CNGB3: variants seen among roughly 807,000 people sequenced by gnomAD.
CNGB3 encodes the protein cyclic nucleotide gated channel subunit beta 3.
A neutral mutation model predicts 92.8 loss-of-function variants in CNGB3; 86 were observed. That is an observed-to-expected ratio of 0.93 (90% CI 0.78 to 1.11). The LOEUF (loss-of-function observed/expected upper bound fraction) is 1.11. Ranked by LOEUF, CNGB3 falls within the 50% of genes least tolerant of loss-of-function variation. The pLI, the probability that CNGB3 is intolerant of heterozygous loss-of-function variation, is 0.00. For synonymous variants in CNGB3, 333 were observed against 332.7 expected (o/e 1.00, Z -0.01); for missense variants, 1,026 against 956.8 (o/e 1.07, Z -0.95).
intron 2 of CNGB3, among the ~76,000 whole-genome samples, chr8:86,729,532 G>A (rs1179176881): frequency 1.3e-5 from 2 of 152,042 alleles, no homozygotes; most frequent in Non-Finnish European, 2.9e-5. Flanking sequence ...TTTGATTTGT[G>A]GATAAACATT....
chr8:86,689,768 G>A (rs1824269773), intron 3 of CNGB3, among the ~76,000 whole-genome samples: 1 of 150,962 alleles, frequency 6.6e-6, no homozygotes, highest in Non-Finnish European at 1.5e-5. Context: ...GTGTCCAAGT[G>A]TTCTCATTGT....
At chr8:86,709,956 A>G (rs896083811) in intron 3 of CNGB3, among the ~76,000 whole-genome samples, 35 of 152,326 alleles carry the variant, frequency 2.3e-4, no homozygotes, top group African/African-American at 7.5e-4. Flanking sequence ...TGCCTTCAAC[A>G]GTATGTATTA....
intron 12 of CNGB3, among the ~76,000 whole-genome samples, chr8:86,627,828 AC>A (rs915421701): frequency 2.6e-5 from 4 of 152,178 alleles, no homozygotes; most frequent in African/African-American, 9.7e-5. Context: ...CTTGAACAAC[AC>A]GTGTTTGAAC....
chr8:86,622,128 G>A (rs751451454), intron 13 of CNGB3, among the ~76,000 whole-genome samples: 2 of 152,118 alleles, frequency 1.3e-5, no homozygotes, highest in Non-Finnish European at 2.9e-5. Context: ...CCTTTTTATG[G>A]CTGATGGGTA....
intron 3 of CNGB3, among the ~76,000 whole-genome samples, chr8:86,673,029 A>G (rs1823890880): frequency 6.6e-6 from 1 of 152,192 alleles, no homozygotes; most frequent in African/African-American, 2.4e-5. Flanking sequence ...ATATAATTTC[A>G]CTGATTCCTT....
intron 13 of CNGB3, among the ~76,000 whole-genome samples, chr8:86,622,514 C>G (rs1822759986): frequency 6.6e-6 from 1 of 152,046 alleles, no homozygotes; most frequent in African/African-American, 2.4e-5. Context: ...ATTTCCATCA[C>G]CCTACAAAGT....
intron 15 of CNGB3, among the ~76,000 whole-genome samples, chr8:86,600,138 C>T (rs188171558): frequency 1.3e-4 from 20 of 152,094 alleles, no homozygotes; most frequent in African/African-American, 2.9e-4. Flanking sequence ...GGATTTTGCC[C>T]GATAAACGTT....
intron 10 of CNGB3, among the ~76,000 whole-genome samples, chr8:86,642,158 G>C (rs1823201351): frequency 6.6e-6 from 1 of 151,664 alleles, no homozygotes; most frequent in Admixed American, 6.6e-5. Context: ...GAGGCGTCTA[G>C]GTGTAAAAGG....
intron 15 of CNGB3, among the ~76,000 whole-genome samples, chr8:86,592,553 G>T (rs1822070183): frequency 6.6e-6 from 1 of 152,186 alleles, no homozygotes; most frequent in South Asian, 2.1e-4. Flanking sequence ...CTCATAAGTT[G>T]TGGCACATGG....
intron 11 of CNGB3, among the ~76,000 whole-genome samples, chr8:86,630,774 T>A (rs1822947705): frequency 6.6e-6 from 1 of 152,088 alleles, no homozygotes; most frequent in Non-Finnish European, 1.5e-5. Context: ...CCTGGGAAGC[T>A]GAGGTGAGAG....
intron 3 of CNGB3, among the ~76,000 whole-genome samples, chr8:86,720,532 C>T (rs934608365): frequency 2.6e-5 from 4 of 152,104 alleles, no homozygotes; most frequent in African/African-American, 7.2e-5. Context: ...TAAAAAGGAA[C>T]ACTTACACTG....
intron 3 of CNGB3, among the ~76,000 whole-genome samples, chr8:86,720,817 T>TGC (rs1824953190): frequency 5.1e-5 from 1 of 19,652 alleles, no homozygotes; most frequent in Admixed American, 5.8e-4. Context: ...CCATGGCATA[T>TGC]ATATATATAT....
At chr8:86,629,120 A>G in intron 11 of CNGB3, 42 bp from the exon 12 acceptor site, 1 of 1,609,910 alleles carries the variant, frequency 6.2e-7, no homozygotes, top group Non-Finnish European at 8.5e-7. Flanking sequence ...AGCAGAGGAA[A>G]TGAGTTAATA....
Position 86,575,720 on chromosome 8 carries a change from G to C in CNGB3, c.*84C>G. On this transcript the variant is annotated 3_prime_UTR_variant, in exon 18 of 18. Transcript: ENST00000320005. ...CGTTTCTCAAGGGTCCCAGCATGTCGTTTCCCCTCGTTAATTTAAGTTACA... is the reference window on the plus strand; with the variant it reads ...CGTTTCTCAAGGGTCCCAGCATGTCCTTTCCCCTCGTTAATTTAAGTTACA... 7.8e-7 allele frequency: 1 copy of C among 1,281,926 alleles called. No individual in the cohort carries two copies. Among genetic ancestry groups the C allele is most frequent in the Admixed American group, 1.9e-5 (1 of 52,256 alleles). The allele number at this position is 1,281,926 out of a possible 1,614,324, so 79.4% of individuals were successfully genotyped here. A position where few individuals can be genotyped will look rare whatever the true frequency, so the allele number is the denominator to read the frequency against.
intron 12 of CNGB3, among the ~76,000 whole-genome samples, chr8:86,628,159 A>G (rs1036871033): frequency 6.6e-6 from 1 of 152,106 alleles, no homozygotes; most frequent in Non-Finnish European, 1.5e-5. Flanking sequence ...GTCAAAAGTT[A>G]TATGTGGATT....
At chr8:86,634,032 A>T (rs1237295757) in intron 10 of CNGB3, among the ~76,000 whole-genome samples, 2 of 152,196 alleles carry the variant, frequency 1.3e-5, no homozygotes, top group African/African-American at 4.8e-5. Flanking sequence ...GAACAATTGC[A>T]AATGAAGAGG....
chr8:86,649,884 G>A (rs1185063029), intron 7 of CNGB3, among the ~76,000 whole-genome samples: 1 of 151,684 alleles, frequency 6.6e-6, no homozygotes, highest in African/African-American at 2.4e-5. Context: ...GGAAATATTT[G>A]CAAACTGTGC....
chr8:86,632,605 C>CTCCT lies in CNGB3; in HGVS notation c.1320+143_1320+146dup, dbSNP rs1273359375. 5.1e-6 allele frequency: 4 copies of CTCCT among 781,690 alleles called. No individual in the cohort carries two copies. The African/African-American group carries it at 7.0e-5, about 14-fold the overall frequency. The allele number at this position is 781,690 out of a possible 1,614,324, so 48.4% of individuals were successfully genotyped here. A position where few individuals can be genotyped will look rare whatever the true frequency, so the allele number is the denominator to read the frequency against. On this transcript the variant is annotated intron_variant, in intron 11 of 17. Coordinates refer to ENST00000320005, the MANE Select transcript of CNGB3 (RefSeq NM_019098.5). ...AAAGCACTGTTGATCTAATCACATC[C>CTCCT]TCCTTCAACTCATTAAAATAGAAGA...
chr8:86,591,870 A>G (rs926228329), intron 15 of CNGB3, among the ~76,000 whole-genome samples: 20 of 152,332 alleles, frequency 1.3e-4, no homozygotes, highest in African/African-American at 4.3e-4. Context: ...GGCTCCACCC[A>G]GTTCGAGCTT....
Sources: gnomAD v4.1 joint callset for allele counts (sites outside exome capture counted in the v4.1 genomes callset) on GRCh38, gnomAD v4.1.1 for gene constraint, MANE v1.5 for transcripts, NCBI Gene and HGNC (gene_info 2026-07-23, HGNC 2026-07-21) for gene names.